Variants in RNF130 observed in about 807,000 individuals in gnomAD.
The protein encoded by RNF130 is ring finger protein 130, also known as E3 ubiquitin-protein ligase RNF130.
RNF130 carries 21 observed loss-of-function variants against 44.6 expected under a neutral mutation model. That is an observed-to-expected ratio of 0.47 (90% CI 0.33 to 0.68). RNF130 has a LOEUF of 0.68. RNF130 is among the 30% of genes least tolerant of loss of function. RNF130 has a pLI of 0.02. For synonymous variants in RNF130, 214 were observed against 210.4 expected (o/e 1.02, Z -0.15); for missense variants, 479 against 560.6 (o/e 0.85, Z 1.47).
At position 179,972,283 on chromosome 5, in the gene RNF130, C is replaced by G. The variant is rs184421310; in HGVS notation, c.849-1777G>C. 5.4e-3 allele frequency among the ~76,000 whole-genome samples: 827 copies of G among 152,334 alleles called. 5 individuals carry two copies. Among genetic ancestry groups the G allele is most frequent in the Non-Finnish European group, 8.7e-3 (595 of 68,036 alleles). On this transcript the variant is annotated intron_variant, in intron 5 of 8. Transcript: ENST00000521389. ...ACTCCCTTAGATCTGATAGAAGTTA[C>G]AGAACCTCCCTCTGAAAAGTCACGG...
chr5:179,972,560 G>C (rs1762608781), intron 5 of RNF130, among the ~76,000 whole-genome samples: 2 of 151,942 alleles, frequency 1.3e-5, no homozygotes, highest in Admixed American at 6.6e-5. Flanking sequence ...CTTCTGATCA[G>C]GGCTCTGGTG....
rs534247881 is a variant in RNF130 at position 179,994,102 on chromosome 5, A to G, written c.694-13902T>C. On this transcript the variant is annotated intron_variant, in intron 3 of 8. Coordinates refer to ENST00000521389, the MANE Select transcript of RNF130 (RefSeq NM_018434.6). ...TGGTCTATATCTCTGTTTTGGTACC[A>G]GTACCATGCTGTTCTGGTTACTGTA... is the stretch of plus-strand genomic sequence containing the variant. Among the ~76,000 whole-genome samples the G allele has an allele frequency of 9.8e-5, 15 of 152,342 alleles. No homozygotes were observed. In the South Asian group the frequency reaches 3.1e-3, roughly 32 times the overall value.
At chr5:180,026,043 G>C (rs1397352596) in intron 2 of RNF130, among the ~76,000 whole-genome samples, 1 of 150,752 alleles carries the variant, frequency 6.6e-6, no homozygotes, top group Non-Finnish European at 1.5e-5. Context: ...AATAAATATA[G>C]AGCTAAATAC....
intron 4 of RNF130, 67 bp downstream of exon 4, chr5:179,980,062 C>T (rs1009989542): frequency 4.0e-5 from 53 of 1,329,110 alleles, no homozygotes; most frequent in Non-Finnish European, 5.2e-5. Context: ...GGTGTGTCCT[C>T]TCCCACCAAA....
intron 2 of RNF130, among the ~76,000 whole-genome samples, chr5:180,015,924 A>T (rs1763716820): frequency 6.6e-6 from 1 of 152,266 alleles, no homozygotes; most frequent in African/African-American, 2.4e-5. Flanking sequence ...ATATTTATTG[A>T]GCACATACTA....
intron 2 of RNF130, among the ~76,000 whole-genome samples, chr5:180,017,130 C>G (rs1763758494): frequency 6.6e-6 from 1 of 152,202 alleles, no homozygotes; most frequent in South Asian, 2.1e-4. Context: ...ACTTCCGGTC[C>G]ATTCATCACA....
chr5:179,968,257 T>C (rs1052003649), intron 6 of RNF130, among the ~76,000 whole-genome samples: 4 of 152,034 alleles, frequency 2.6e-5, no homozygotes, highest in South Asian at 4.1e-4. Context: ...ATCGCACCAC[T>C]GCACTCCAGC....
At chr5:179,966,716 G>C in intron 7 of RNF130, 90 bp downstream of exon 7, 1 of 1,114,404 alleles carries the variant, frequency 9.0e-7, no homozygotes, top group Non-Finnish European at 1.3e-6. Context: ...TGTGTTGCAG[G>C]CTGAGGCGAG....
intron 7 of RNF130, among the ~76,000 whole-genome samples, chr5:179,965,123 T>A (rs972218350): frequency 6.6e-6 from 1 of 152,204 alleles, no homozygotes; most frequent in Non-Finnish European, 1.5e-5. Flanking sequence ...CCATCCCGTA[T>A]TTGCATGTCT....
chr5:179,996,685 T>C (rs781297809), intron 3 of RNF130, among the ~76,000 whole-genome samples: 2 of 152,258 alleles, frequency 1.3e-5, no homozygotes, highest in Admixed American at 6.5e-5. Flanking sequence ...ATGAATGCTC[T>C]TTTCAATGTG....
At chr5:179,937,633 A>G (rs967312825) in intron 7 of RNF130, among the ~76,000 whole-genome samples, 4 of 152,140 alleles carry the variant, frequency 2.6e-5, no homozygotes, top group Non-Finnish European at 4.4e-5. Context: ...CCATTGTGTA[A>G]AAGAGTTTGG....
At chr5:180,054,724 A>C (rs1397646328) in intron 1 of RNF130, among the ~76,000 whole-genome samples, 1 of 152,162 alleles carries the variant, frequency 6.6e-6, no homozygotes, top group African/African-American at 2.4e-5. Flanking sequence ...TTTTACTTCC[A>C]TATGAAGTTC....
intron 7 of RNF130, among the ~76,000 whole-genome samples, chr5:179,947,388 C>CA (rs1449019700): frequency 6.6e-6 from 1 of 152,174 alleles, no homozygotes; most frequent in Non-Finnish European, 1.5e-5. Flanking sequence ...AAGCCCAGCA[C>CA]ACTTCCTGGC....
At chr5:179,961,601 A>C (rs746634907) in intron 8 of RNF130, among the ~76,000 whole-genome samples, 1 of 152,202 alleles carries the variant, frequency 6.6e-6, no homozygotes. Context: ...TAATTCTCGA[A>C]AAGTGCCTAG....
At chr5:179,985,556 G>A (rs1045867126) in intron 3 of RNF130, among the ~76,000 whole-genome samples, 9 of 152,088 alleles carry the variant, frequency 5.9e-5, no homozygotes, top group Admixed American at 4.6e-4. Context: ...TCAAAAAAAC[G>A]TTAAAAGGCA....
At chr5:179,982,043 G>A (rs899409269) in intron 3 of RNF130, among the ~76,000 whole-genome samples, 2 of 151,884 alleles carry the variant, frequency 1.3e-5, no homozygotes, top group African/African-American at 4.8e-5. Context: ...ACTTCTTTGT[G>A]CCCCTTCCTA....
chr5:179,957,810 T>C (rs550928965), intron 8 of RNF130, among the ~76,000 whole-genome samples: 1 of 152,354 alleles, frequency 6.6e-6, no homozygotes, highest in East Asian at 1.9e-4. Flanking sequence ...TTTTAAATCT[T>C]TTCTGGAATT....
At chr5:179,962,549 T>C (rs995577189) in intron 8 of RNF130, among the ~76,000 whole-genome samples, 2 of 152,196 alleles carry the variant, frequency 1.3e-5, no homozygotes, top group Non-Finnish European at 2.9e-5. Context: ...CTTTCATCTC[T>C]AATTAGTTTT....
chr5:179,959,469 T>C (rs894594695), intron 8 of RNF130, among the ~76,000 whole-genome samples: 4 of 151,874 alleles, frequency 2.6e-5, no homozygotes, highest in African/African-American at 2.4e-5. Flanking sequence ...CTACTAAAAA[T>C]ACAAAAAAAT....
Sources: gnomAD v4.1 joint callset for allele counts (sites outside exome capture counted in the v4.1 genomes callset) on GRCh38, gnomAD v4.1.1 for gene constraint, MANE v1.5 for transcripts, NCBI Gene and HGNC (gene_info 2026-07-23, HGNC 2026-07-21) for gene names.